SPAG16: variants seen among roughly 807,000 people sequenced by gnomAD.
SPAG16 encodes the protein sperm associated antigen 16.
SPAG16 carries 86 observed loss-of-function variants against 80.4 expected under a neutral mutation model. The ratio of observed to expected loss-of-function variants is 1.07; its 90% confidence interval spans 0.90 to 1.28. The LOEUF is 1.28. SPAG16 is among the 50% of genes most tolerant of loss of function. The pLI is 0.00. For synonymous variants in SPAG16, 294 were observed against 265.9 expected (o/e 1.11, Z -1.03); for missense variants, 870 against 765.3 (o/e 1.14, Z -1.61).
chr2:214,097,012 C>T (rs1278229864), intron 13 of SPAG16, among the ~76,000 whole-genome samples: 1 of 151,720 alleles, frequency 6.6e-6, no homozygotes, highest in Non-Finnish European at 1.5e-5. Context: ...TGAGAATTTC[C>T]AGAATATATG....
chr2:214,115,352 A>C (rs144668358), intron 14 of SPAG16, among the ~76,000 whole-genome samples: 139 of 152,310 alleles, frequency 9.1e-4, no homozygotes, highest in Non-Finnish European at 1.8e-3. Context: ...TAGAAGGCAA[A>C]AATTTTAGTT....
intron 10 of SPAG16, among the ~76,000 whole-genome samples, chr2:213,658,881 CA>C (rs1440520031): frequency 6.6e-6 from 1 of 152,082 alleles, no homozygotes; most frequent in Non-Finnish European, 1.5e-5. Context: ...ACTAAAAATG[CA>C]AAAATTAGCT....
chr2:213,787,089 C>T (rs547486159), intron 10 of SPAG16, among the ~76,000 whole-genome samples: 15 of 152,084 alleles, frequency 9.9e-5, no homozygotes, highest in African/African-American at 3.1e-4. Context: ...AGTTAAATAG[C>T]GTTAGGAAAA....
At chr2:213,533,140 T>A (rs16850445) in intron 10 of SPAG16, among the ~76,000 whole-genome samples, 13,077 of 152,288 alleles carry the variant, frequency 0.086, 1,410 homozygotes, top group African/African-American at 0.25. Context: ...TGATATTAAA[T>A]GAAAATTAGC....
chr2:214,367,326 G>A lies in SPAG16; in HGVS notation c.1721-42814G>A, dbSNP rs1381127875. Among the ~76,000 whole-genome samples, 5 of 152,154 alleles carry A rather than the reference G, an allele frequency of 3.3e-5. No homozygotes were observed. The East Asian group carries it at 9.6e-4, about 29-fold the overall frequency. ...ATTATAACAAGGCAAACGATTCATA[G>A]TTAGCTGCACTTGTACTGACTGATT... On this transcript the variant is annotated intron_variant, in intron 15 of 15. Transcript: ENST00000331683.
chr2:213,429,984 C>T (rs1464572997), intron 9 of SPAG16, among the ~76,000 whole-genome samples: 1 of 152,038 alleles, frequency 6.6e-6, no homozygotes, highest in Non-Finnish European at 1.5e-5. Flanking sequence ...GCGACATGTC[C>T]TAACTAAAAA....
At chr2:214,086,391 G>C (rs2051754685) in intron 13 of SPAG16, among the ~76,000 whole-genome samples, 1 of 152,148 alleles carries the variant, frequency 6.6e-6, no homozygotes, top group Non-Finnish European at 1.5e-5. Context: ...GTCTGGCTCT[G>C]TGTCCCCATG....
At chr2:213,724,733 C>A (rs190576216) in intron 10 of SPAG16, among the ~76,000 whole-genome samples, 28 of 116,814 alleles carry the variant, frequency 2.4e-4, no homozygotes, top group African/African-American at 8.1e-4. Context: ...GCCGAAAAAG[C>A]ACCACTGCAC....
intron 10 of SPAG16, among the ~76,000 whole-genome samples, chr2:213,778,545 C>T (rs1027777311): frequency 2.6e-5 from 4 of 152,084 alleles, no homozygotes; most frequent in Non-Finnish European, 5.9e-5. Context: ...TTTCAAATAA[C>T]TCTATCCTAG....
At chr2:213,446,583 TCTC>T (rs1331691420) in intron 9 of SPAG16, among the ~76,000 whole-genome samples, 2 of 152,178 alleles carry the variant, frequency 1.3e-5, no homozygotes, top group East Asian at 3.8e-4. Flanking sequence ...ATTTAATAAT[TCTC>T]CTCCTTATAC....
chr2:213,882,965 C>A (rs1047863062), intron 11 of SPAG16, among the ~76,000 whole-genome samples: 1 of 152,120 alleles, frequency 6.6e-6, no homozygotes, highest in Non-Finnish European at 1.5e-5. Context: ...CTCCGCCTCC[C>A]AGGCCATTCT....
At chr2:214,072,496 T>C (rs1357409951) in intron 13 of SPAG16, among the ~76,000 whole-genome samples, 1 of 152,110 alleles carries the variant, frequency 6.6e-6, no homozygotes, top group East Asian at 1.9e-4. Flanking sequence ...TGTCAGGAAT[T>C]TTTCTTCAGC....
intron 10 of SPAG16, among the ~76,000 whole-genome samples, chr2:213,842,975 G>T (rs10804220): frequency 0.25 from 38,260 of 151,956 alleles, 5,329 homozygotes; most frequent in South Asian, 0.38. Flanking sequence ...TCAGTATGTT[G>T]CCCAGGCTGG....
At chr2:213,518,367 A>G (rs1462754276) in intron 10 of SPAG16, among the ~76,000 whole-genome samples, 6 of 152,174 alleles carry the variant, frequency 3.9e-5, no homozygotes, top group African/African-American at 7.2e-5. Flanking sequence ...TCCTGGGCTC[A>G]AGGGATCCTC....
At chr2:213,535,767 G>A (rs2076221401) in intron 10 of SPAG16, among the ~76,000 whole-genome samples, 1 of 152,096 alleles carries the variant, frequency 6.6e-6, no homozygotes, top group Admixed American at 6.5e-5. Flanking sequence ...GCAATTAAGA[G>A]TGCAGGCTAA....
intron 15 of SPAG16, among the ~76,000 whole-genome samples, chr2:214,262,659 G>T (rs189384643): frequency 3.3e-5 from 5 of 151,722 alleles, no homozygotes; most frequent in Non-Finnish European, 4.4e-5. Context: ...CTTCATCTCC[G>T]TATCTATAAA....
rs753111757 is a variant in SPAG16, at chr2:214,116,247, G to T, written c.1593+7986G>T. On this transcript the variant is annotated intron_variant, in intron 14 of 15. Transcript: ENST00000331683. ...TGACAGTGGTCTTCACACTGAAACT[G>T]AAAGTTGTTCTTTGGCTTGGCACTA... Among the ~76,000 whole-genome samples, 7 of 152,348 alleles carry T rather than the reference G, an allele frequency of 4.6e-5. No individual in the cohort carries two copies. In the South Asian group the frequency reaches 1.4e-3, roughly 32 times the overall value.
chr2:214,343,354 T>A (rs1242008037), intron 15 of SPAG16, among the ~76,000 whole-genome samples: 1 of 152,138 alleles, frequency 6.6e-6, no homozygotes, highest in Non-Finnish European at 1.5e-5. Flanking sequence ...TTAGAAGACC[T>A]ACTTTTAATA....
intron 10 of SPAG16, among the ~76,000 whole-genome samples, chr2:213,702,692 C>G (rs992457587): frequency 2.0e-5 from 3 of 152,074 alleles, no homozygotes; most frequent in African/African-American, 7.2e-5. Flanking sequence ...GAAGCTGAGA[C>G]CTCAAAATGT....
Sources: gnomAD v4.1 joint callset for allele counts (sites outside exome capture counted in the v4.1 genomes callset) on GRCh38, gnomAD v4.1.1 for gene constraint, MANE v1.5 for transcripts, NCBI Gene and HGNC (gene_info 2026-07-23, HGNC 2026-07-21) for gene names.